The following PLCB1 variants were observed in gnomAD, a reference collection of about 807,000 sequenced individuals.
PLCB1 encodes the protein 1-phosphatidylinositol 4,5-bisphosphate phosphodiesterase beta-1.
PLCB1 carries 46 observed loss-of-function variants against 161.8 expected under a neutral mutation model. That is an observed-to-expected ratio of 0.28 (90% CI 0.22 to 0.36). PLCB1 has a LOEUF of 0.36. Among genes scored for constraint, PLCB1 ranks in the 10% least tolerant of loss-of-function variants. PLCB1 has a pLI of 1.00. For missense variants in PLCB1, 1,016 were observed against 1,472.5 expected, an observed-to-expected ratio of 0.69 and a Z score of 5.07; for synonymous variants, 517 against 503.7, an observed-to-expected ratio of 1.03 and a Z score of -0.35.
chr20:8,487,907 G>A (rs1982797130), intron 3 of PLCB1, among the ~76,000 whole-genome samples: 1 of 152,088 alleles, frequency 6.6e-6, no homozygotes, highest in African/African-American at 2.4e-5. Context: ...TCCCAGGGGT[G>A]GCACACAGGC....
At chr20:8,670,227 CTT>C (rs1989909763) in intron 9 of PLCB1, among the ~76,000 whole-genome samples, 1 of 152,208 alleles carries the variant, frequency 6.6e-6, no homozygotes, top group Non-Finnish European at 1.5e-5. Context: ...CTTGGGACAA[CTT>C]TGCTTATCTG....
At chr20:8,789,394 TA>T in intron 29 of PLCB1, 123 bp from the exon 30 acceptor site, 3 of 717,564 alleles carry the variant, frequency 4.2e-6, no homozygotes, top group Non-Finnish European at 7.3e-6. Flanking sequence ...AATAAATAGA[TA>T]AAAATAAGGA....
chr20:8,429,136 G>A (rs532947412), intron 3 of PLCB1, among the ~76,000 whole-genome samples: 2 of 152,118 alleles, frequency 1.3e-5, no homozygotes, highest in African/African-American at 4.8e-5. Flanking sequence ...GAACAGGCTC[G>A]TGGGAGAAGT....
intron 2 of PLCB1, among the ~76,000 whole-genome samples, chr20:8,197,795 C>G (rs1181478446): frequency 1.3e-5 from 2 of 152,080 alleles, no homozygotes; most frequent in African/African-American, 4.8e-5. Context: ...GGTTTTAGGT[C>G]TAACATTTAA....
chr20:8,865,537 A>C (rs564223855), intron 31 of PLCB1, among the ~76,000 whole-genome samples: 26 of 152,320 alleles, frequency 1.7e-4, no homozygotes, highest in African/African-American at 6.3e-4. Context: ...CAAAATATCA[A>C]TGGCTTCATA....
At chr20:8,283,571 C>G (rs200784970) in intron 2 of PLCB1, among the ~76,000 whole-genome samples, 2 of 132,102 alleles carry the variant, frequency 1.5e-5, no homozygotes, top group African/African-American at 3.0e-5. Flanking sequence ...ATAAATCAAT[C>G]AATAAATAAA....
At chr20:8,655,774 G>A (rs1989441382) in intron 7 of PLCB1, among the ~76,000 whole-genome samples, 2 of 151,992 alleles carry the variant, frequency 1.3e-5, no homozygotes, top group Admixed American at 1.3e-4. Flanking sequence ...GTGCCATTGA[G>A]CATGTTCTTG....
intron 3 of PLCB1, among the ~76,000 whole-genome samples, chr20:8,610,885 T>C (rs748590403): frequency 2.0e-5 from 3 of 152,000 alleles, no homozygotes; most frequent in Non-Finnish European, 4.4e-5. Flanking sequence ...TTTTTGCATA[T>C]AGTGTGAGGT....
intron 3 of PLCB1, among the ~76,000 whole-genome samples, chr20:8,583,459 CT>C (rs1466353628): frequency 5.9e-5 from 9 of 152,192 alleles, no homozygotes; most frequent in African/African-American, 2.2e-4. Flanking sequence ...AAACCCTCAT[CT>C]TAGGCTCTGC....
At chr20:8,734,308 T>A (rs1261515072) in intron 19 of PLCB1, among the ~76,000 whole-genome samples, 2 of 152,018 alleles carry the variant, frequency 1.3e-5, no homozygotes, top group Non-Finnish European at 2.9e-5. Flanking sequence ...GAAATTTACA[T>A]GATAATTAGT....
intron 26 of PLCB1, among the ~76,000 whole-genome samples, chr20:8,767,620 C>T (rs976455945): frequency 1.3e-5 from 2 of 152,036 alleles, no homozygotes; most frequent in African/African-American, 2.4e-5. Flanking sequence ...GAGTGTCACC[C>T]GCTCTCAGAA....
chr20:8,318,279 A>G (rs1984750720), intron 2 of PLCB1, among the ~76,000 whole-genome samples: 1 of 152,192 alleles, frequency 6.6e-6, no homozygotes, highest in South Asian at 2.1e-4. Context: ...CTTACAGTCT[A>G]CCACATTCAT....
At chr20:8,629,867 TTCTTTCTTTCTCTC>T (rs1568536024) in intron 4 of PLCB1, among the ~76,000 whole-genome samples, 2 of 111,270 alleles carry the variant, frequency 1.8e-5, no homozygotes, top group Admixed American at 2.1e-4. Context: ...CTTTCTTTCT[TTCTTTCTTTCTCTC>T]TCTCTTTCTT....
chr20:8,232,225 A>AAGAGAG (rs35927160), intron 2 of PLCB1, among the ~76,000 whole-genome samples: 91 of 148,468 alleles, frequency 6.1e-4, no homozygotes, highest in African/African-American at 2.2e-3. Context: ...CTCTTTAAAA[A>AAGAGAG]AGAGAGAGAG....
At chr20:8,362,928 G>A (rs1356292190) in intron 2 of PLCB1, among the ~76,000 whole-genome samples, 2 of 152,108 alleles carry the variant, frequency 1.3e-5, no homozygotes, top group South Asian at 2.1e-4. Flanking sequence ...TGTACATAGG[G>A]TCAATGATCC....
chr20:8,320,885 GA>G, intron 2 of PLCB1, among the ~76,000 whole-genome samples: 1 of 147,038 alleles, frequency 6.8e-6, no homozygotes, highest in Non-Finnish European at 1.5e-5. Flanking sequence ...AAAAAGGAAA[GA>G]AAGAAAGAGA....
chr20:8,563,857 AATGGAAAAACATCCCATGCTCATGG>A, intron 3 of PLCB1, among the ~76,000 whole-genome samples: 1 of 152,166 alleles, frequency 6.6e-6, no homozygotes, highest in East Asian at 1.9e-4. Flanking sequence ...GACATAAACA[AATGGAAAAACATCCCATGCTCATGG>A]ATAGGAAGAA....
intron 2 of PLCB1, among the ~76,000 whole-genome samples, chr20:8,237,582 A>G (rs1182843443): frequency 6.6e-6 from 1 of 152,124 alleles, no homozygotes. Context: ...GTATTTTACA[A>G]TGGACATTTT....
chr20:8,638,228 C>T (rs536676614), intron 4 of PLCB1, among the ~76,000 whole-genome samples: 3 of 152,148 alleles, frequency 2.0e-5, no homozygotes, highest in Non-Finnish European at 2.9e-5. Context: ...TTTAAGCTAA[C>T]GAGAGTTGGA....
Sources: gnomAD v4.1 joint callset for allele counts (sites outside exome capture counted in the v4.1 genomes callset) on GRCh38, gnomAD v4.1.1 for gene constraint, MANE v1.5 for transcripts, NCBI Gene and HGNC (gene_info 2026-07-23, HGNC 2026-07-21) for gene names.